MAG: variants seen among roughly 807,000 people sequenced by gnomAD.
The protein encoded by MAG is myelin associated glycoprotein.
MAG carries 30 observed loss-of-function variants against 60.7 expected under a neutral mutation model. The ratio of observed to expected loss-of-function variants is 0.49; its 90% CI spans 0.37 to 0.67. The LOEUF (loss-of-function observed/expected upper bound fraction) is 0.67, where lower values mean the gene tolerates loss of function less well. Ranked by LOEUF, MAG falls within the 30% of genes least tolerant of loss-of-function variation. The pLI, the probability that MAG is intolerant of heterozygous loss-of-function variation, is 0.00. For missense variants in MAG, 795 were observed against 851.7 expected (o/e 0.93, Z 0.83); for synonymous variants, 384 against 376.8 (o/e 1.02, Z -0.22).
intron 6 of MAG, among the ~76,000 whole-genome samples, chr19:35,300,619 A>G (rs2066442202): frequency 6.6e-6 from 1 of 152,224 alleles, no homozygotes; most frequent in Admixed American, 6.5e-5. Flanking sequence ...TCCTTCCAGG[A>G]CAAGACCCAG....
rs117169173 is a variant in MAG, at chr19:35,311,335, G to A, written c.1617-583G>A. Among the ~76,000 whole-genome samples the A allele has an allele frequency of 5.5e-3, 843 of 152,110 alleles. 32 individuals are homozygous for A. In the East Asian group the frequency reaches 0.11, roughly 20 times the overall value. ...CAAAAAAATTAGCTACTAGTGGCAC[G>A]TGCCTGTTGTCCCAGCTACTCGGGA... On this transcript the variant is annotated intron_variant, in intron 9 of 10. Transcript: ENST00000392213.
rs748642093 is a variant in MAG, at chr19:35,312,025, C to T, written c.1716+8C>T. 1.2e-6 allele frequency: 2 copies of T among 1,609,044 alleles called. No homozygotes were observed. The highest frequency in any genetic ancestry group is 1.3e-5 in the African/African-American group (1 of 74,810). On this transcript the variant is annotated splice_region_variant and intron_variant, in intron 10 of 10. Transcript: ENST00000392213. The stretch of plus-strand genomic sequence containing the variant: ...GCACCAGAGAAGTACGAGGTAAGGA[C>T]CAGGCTCCAGGCTGGCCTGGGAACC...
At position 35,313,358 on chromosome 19, in the gene MAG, G is replaced by C. The variant is rs757825305; in HGVS notation, c.1785G>C (p.Leu595=). ...GLRGEPPELD[L]SYSHSDLGKR... ...GGGGTGAGCCCCCAGAGCTGGACCTGAGCTATTCTCACTCGGACCTGGGGA... is the reference window on the plus strand; with the variant it reads ...GGGGTGAGCCCCCAGAGCTGGACCTCAGCTATTCTCACTCGGACCTGGGGA... The change falls in exon 11 of 11, where the codon CTG becomes CTC. Residue 595 remains leucine, a synonymous_variant. Coordinates refer to ENST00000392213, the MANE Select transcript of MAG (RefSeq NM_002361.4). 2.5e-6 allele frequency: 4 copies of C among 1,614,192 alleles called. No individual in the cohort carries two copies. The South Asian group carries it at 4.4e-5, about 18-fold the overall frequency.
Position 35,310,285 on chromosome 19 carries a change from C to T in MAG, c.1519+124C>T. The stretch of plus-strand genomic sequence containing the variant: ...TGCAGATTGACAGAAAGGTCAAATT[C>T]TCCCTTTCCGGTTGGAGAGGAGAAG... On this transcript the variant is annotated intron_variant, in intron 8 of 10. Transcript: ENST00000392213. 4 of 1,310,592 alleles carry T rather than the reference C, an allele frequency of 3.1e-6. No homozygotes were observed. The South Asian group carries it at 6.1e-5, about 20-fold the overall frequency. The allele number at this position is 1,310,592 out of a possible 1,614,324, so 81.2% of individuals were successfully genotyped here. A position where few individuals can be genotyped will look rare whatever the true frequency, so the allele number is the denominator to read the frequency against.
intron 10 of MAG, chr19:35,312,700 A>T: frequency 9.1e-6 from 3 of 330,582 alleles, no homozygotes; most frequent in Non-Finnish European, 1.1e-5. Flanking sequence ...TTTCACCCAA[A>T]AAGGTATTAG....
At chr19:35,297,214 C>A (rs1481326257) in intron 4 of MAG, among the ~76,000 whole-genome samples, 1 of 95,054 alleles carries the variant, frequency 1.1e-5, no homozygotes, top group Non-Finnish European at 2.5e-5. Flanking sequence ...ACCACACACA[C>A]CACACCAAGC....
intron 10 of MAG, chr19:35,312,852 A>C (rs528386975): frequency 6.0e-6 from 1 of 167,968 alleles, no homozygotes; most frequent in African/African-American, 2.4e-5. Context: ...AGCCTGGCCA[A>C]CATGGTGAAA....
chr19:35,298,532 C>T (rs2066420409), intron 4 of MAG, among the ~76,000 whole-genome samples: 2 of 150,486 alleles, frequency 1.3e-5, no homozygotes, highest in African/African-American at 4.9e-5. Context: ...AAACACACAC[C>T]ATGCGCTACA....
intron 4 of MAG, among the ~76,000 whole-genome samples, chr19:35,297,195 T>TACACACACACCACACACACC (rs1568470762): frequency 1.4e-5 from 1 of 69,688 alleles, no homozygotes; most frequent in African/African-American, 5.7e-5. Flanking sequence ...CACCACACAC[T>TACACACACACCACACACACC]ACACACACAC....
rs74172714 is a variant in MAG, at chr19:35,292,644, G to GGTGTGTGT, written c.-80+454_-80+461dup. On this transcript the variant is annotated intron_variant, in intron 1 of 10. Transcript: ENST00000392213. ...CATTCTAGCACCTGGGCACATAGCA[G>GGTGTGTGT]GTGTGTGTGTGTGTGTGTGTGCGTG... Among the ~76,000 whole-genome samples the GGTGTGTGT allele has an allele frequency of 3.0e-3, 452 of 150,098 alleles. 10 individuals are homozygous for GGTGTGTGT. In the East Asian group the frequency reaches 0.069, roughly 23 times the overall value.
At chr19:35,296,097 G>A (rs2066396439) in intron 4 of MAG, 116 bp downstream of exon 4, 1 of 1,412,744 alleles carries the variant, frequency 7.1e-7, no homozygotes. Flanking sequence ...GATCTGGGAG[G>A]TGCTGATTTG....
intron 4 of MAG, among the ~76,000 whole-genome samples, chr19:35,298,858 C>T (rs2066423775): frequency 6.6e-6 from 1 of 150,664 alleles, no homozygotes; most frequent in South Asian, 2.1e-4. Context: ...CCACACATGA[C>T]ACAGACCACA....
intron 7 of MAG, among the ~76,000 whole-genome samples, chr19:35,309,377 G>A (rs946464296): frequency 2.6e-5 from 4 of 152,202 alleles, no homozygotes; most frequent in African/African-American, 9.7e-5. Context: ...CAGGGTATGG[G>A]TTTACATGAG....
chr19:35,292,163 G>C lies in MAG; in HGVS notation c.-121G>C. On this transcript the variant is annotated 5_prime_UTR_variant, in exon 1 of 11. Coordinates refer to ENST00000392213, the MANE Select transcript of MAG (RefSeq NM_002361.4). ...GACCCTGGAAGGCAGGGGACTGCGA[G>C]CTGGGCTGGCGGAGCAGAGGTGCAG... is the stretch of plus-strand genomic sequence containing the variant. 2.2e-6 allele frequency: 1 copy of C among 454,816 alleles called. No homozygotes were observed. Among genetic ancestry groups the C allele is most frequent in the South Asian group, 1.6e-5 (1 of 64,494 alleles). The allele number at this position is 454,816 out of a possible 1,614,324, so 28.2% of individuals were successfully genotyped here.
intron 7 of MAG, among the ~76,000 whole-genome samples, chr19:35,307,960 G>A (rs923524418): frequency 3.9e-5 from 6 of 152,178 alleles, no homozygotes; most frequent in Non-Finnish European, 7.3e-5. Context: ...GAAAGGAGGG[G>A]ATAGTCTAAG....
intron 7 of MAG, among the ~76,000 whole-genome samples, chr19:35,305,235 T>C (rs2066475510): frequency 6.6e-6 from 1 of 151,988 alleles, no homozygotes; most frequent in Admixed American, 6.6e-5. Context: ...CCCCTCCCTC[T>C]CCACACAGTC....
chr19:35,312,625 G>T (rs1404762830), intron 10 of MAG: 24 of 509,538 alleles, frequency 4.7e-5, no homozygotes, highest in Non-Finnish European at 7.7e-5. Flanking sequence ...CAGGACCCAT[G>T]GGGGGGCACG....
intron 7 of MAG, among the ~76,000 whole-genome samples, chr19:35,307,546 G>A (rs2066494400): frequency 6.6e-6 from 1 of 152,120 alleles, no homozygotes. Flanking sequence ...AATTAGCCAG[G>A]CATGGTGGCA....
At chr19:35,297,845 C>T (rs1333286579) in intron 4 of MAG, among the ~76,000 whole-genome samples, 1 of 141,834 alleles carries the variant, frequency 7.1e-6, no homozygotes, top group Non-Finnish European at 1.5e-5. Context: ...ACAACACACG[C>T]TACACAAACC....
Sources: allele counts gnomAD v4.1 joint callset (sites outside exome capture counted in the v4.1 genomes callset), GRCh38; gene constraint gnomAD v4.1.1; transcripts MANE v1.5; gene names NCBI Gene and HGNC (gene_info 2026-07-23, HGNC 2026-07-21).